ACVR1B: variants seen among roughly 807,000 people sequenced by gnomAD.
ACVR1B encodes the protein activin receptor type-1B.
Under a neutral mutation model 55.6 loss-of-function variants are expected in ACVR1B, and 15 were observed. The observed-to-expected ratio is 0.27, with a 90% confidence interval of 0.18 to 0.42. The LOEUF is 0.42. Ranked by LOEUF, ACVR1B falls within the 10% of genes least tolerant of loss-of-function variation. ACVR1B has a pLI of 1.00. For missense variants in ACVR1B, 359 were observed against 670.1 expected, an observed-to-expected ratio of 0.54 and a Z score of 5.13; for synonymous variants, 247 against 254.6, an observed-to-expected ratio of 0.97 and a Z score of 0.28.
intron 1 of ACVR1B, among the ~76,000 whole-genome samples, chr12:51,956,958 A>G (rs757291266): frequency 3.2e-4 from 49 of 152,010 alleles, no homozygotes; most frequent in Non-Finnish European, 4.4e-4. Flanking sequence ...TGGTAGAGAC[A>G]GGGTTTCGAC....
intron 1 of ACVR1B, among the ~76,000 whole-genome samples, chr12:51,971,482 A>C (rs1411610154): frequency 6.6e-6 from 1 of 152,194 alleles, no homozygotes; most frequent in African/African-American, 2.4e-5. Flanking sequence ...CCTTGGAATA[A>C]GGAGAGTTTT....
At chr12:51,960,255 A>G (rs1432001902) in intron 1 of ACVR1B, 1 of 152,208 alleles carries the variant, frequency 6.6e-6, no homozygotes, top group Non-Finnish European at 1.5e-5. Flanking sequence ...CCTCGTCTCT[A>G]CAAAACATTT....
chr12:51,989,708 G>A (rs912249858), intron 7 of ACVR1B, among the ~76,000 whole-genome samples: 7 of 152,038 alleles, frequency 4.6e-5, no homozygotes, highest in Non-Finnish European at 8.8e-5. Flanking sequence ...ACATTAGGCC[G>A]GGCGCGGTGG....
intron 4 of ACVR1B, among the ~76,000 whole-genome samples, chr12:51,981,876 C>G (rs1941987825): frequency 2.6e-5 from 4 of 151,982 alleles, no homozygotes; most frequent in Admixed American, 2.0e-4. Context: ...AAAAAAATCC[C>G]TAGGATGAGG....
In ACVR1B at chr12:51,951,749, G is replaced by A. The variant is rs1381208091; in HGVS notation, c.6G>A (p.Ala2=). ...CGGCGGCGGCGGTGGTTACTATGGCGGAGTCGGCCGGAGCCTCCTCCTTCT... is the reference window on the plus strand; with the variant it reads ...CGGCGGCGGCGGTGGTTACTATGGCAGAGTCGGCCGGAGCCTCCTCCTTCT... M[A]ESAGASSFFP... Residue 2 remains alanine, a synonymous_variant, in exon 1 of 9, where the codon GCG becomes GCA. Coordinates refer to ENST00000257963, the MANE Select transcript of ACVR1B (RefSeq NM_004302.5). The A allele has an allele frequency of 2.4e-6, 3 of 1,272,046 alleles. No individual in the cohort carries two copies. The highest frequency in any genetic ancestry group is 3.5e-5 in the South Asian group (1 of 28,270). The allele number at this position is 1,272,046 out of a possible 1,614,324, so 78.8% of individuals were successfully genotyped here.
At chr12:51,988,400 G>A (rs1011038379) in intron 7 of ACVR1B, among the ~76,000 whole-genome samples, 6 of 152,178 alleles carry the variant, frequency 3.9e-5, no homozygotes, top group Admixed American at 3.3e-4. Flanking sequence ...CCCTGGAGGC[G>A]GAGTTTGCAG....
At chr12:51,975,166 G>T (rs1264889574) in intron 1 of ACVR1B, 99 bp from the exon 2 acceptor site, 18 of 1,500,040 alleles carry the variant, frequency 1.2e-5, no homozygotes, top group Non-Finnish European at 1.6e-5. Context: ...AACTGTTTTG[G>T]AACATCAAGT....
Position 51,976,378 on chromosome 12 carries a change from T to TAGG in ACVR1B, c.384_386dup (p.Gly129dup). The TAGG allele has an allele frequency of 2.5e-6, 4 of 1,614,212 alleles. No homozygotes were observed. Among genetic ancestry groups the TAGG allele is most frequent in the Non-Finnish European group, 3.4e-6 (4 of 1,180,046 alleles). On this transcript the variant is annotated inframe_insertion, in exon 3 of 9. Transcript: ENST00000257963. Reference sequence around the variant, plus strand: ...TCCATGTGGGGCCCGGTGGAGCTGGTAGGCATCATCGCCGGCCCGGTGTTC... The same window carrying TAGG: ...TCCATGTGGGGCCCGGTGGAGCTGGTAGGAGGCATCATCGCCGGCCCGGTGTTC...
At chr12:51,986,242 A>G (rs980609429) in intron 6 of ACVR1B, among the ~76,000 whole-genome samples, 4 of 152,184 alleles carry the variant, frequency 2.6e-5, no homozygotes, top group Non-Finnish European at 5.9e-5. Context: ...ACATGCTTCA[A>G]ATAAACAAAT....
At chr12:51,992,190 G>T in intron 8 of ACVR1B, 197 bp downstream of exon 8, 1 of 667,050 alleles carries the variant, frequency 1.5e-6, no homozygotes, top group Non-Finnish European at 2.5e-6. Context: ...GGTGCCATTT[G>T]GAGTTCACAG....
At chr12:51,976,818 C>G (rs1181289954) in intron 3 of ACVR1B, among the ~76,000 whole-genome samples, 1 of 152,226 alleles carries the variant, frequency 6.6e-6, no homozygotes, top group Non-Finnish European at 1.5e-5. Flanking sequence ...CTACAGAAGT[C>G]CTGCCTCTCT....
chr12:51,994,233 C>T lies in ACVR1B; in HGVS notation c.*123C>T, dbSNP rs1476990203. Reference sequence around the variant, plus strand: ...CCCTCTGTGGCCAGGAGCCCTGGCCCGCAAGAGGGACAGAGCCCGGGAGAG... The same window carrying T: ...CCCTCTGTGGCCAGGAGCCCTGGCCTGCAAGAGGGACAGAGCCCGGGAGAG... On this transcript the variant is annotated 3_prime_UTR_variant, in exon 9 of 9. Transcript: ENST00000257963. The surrounding 1 kb of genome is among the most constrained non-coding windows in gnomAD (Gnocchi z 4.2). 26 of 1,412,232 alleles carry T rather than the reference C, an allele frequency of 1.8e-5. No individual in the cohort carries two copies. The highest frequency in any genetic ancestry group is 1.1e-4 in the African/African-American group (8 of 70,000). 87.5% of individuals were successfully genotyped at this position (1,412,232 alleles called of 1,614,324 possible).
intron 3 of ACVR1B, among the ~76,000 whole-genome samples, chr12:51,978,122 G>A (rs1451150555): frequency 1.3e-5 from 2 of 152,054 alleles, no homozygotes; most frequent in Non-Finnish European, 2.9e-5. Flanking sequence ...GCACCAAAAT[G>A]ATGGATATAT....
intron 5 of ACVR1B, among the ~76,000 whole-genome samples, chr12:51,984,441 C>T (rs372258682): frequency 3.9e-5 from 6 of 152,142 alleles, no homozygotes; most frequent in East Asian, 1.9e-4. Flanking sequence ...TCATTTGTTA[C>T]GAAGGAGTAA....
At chr12:51,976,678 A>C in intron 3 of ACVR1B, 103 bp downstream of exon 3, 1 of 1,439,896 alleles carries the variant, frequency 6.9e-7, no homozygotes, top group East Asian at 2.3e-5. Flanking sequence ...ATTTGTTTCT[A>C]CCAGCATTGA....
At chr12:51,952,261 T>G (rs1941313310) in intron 1 of ACVR1B, among the ~76,000 whole-genome samples, 1 of 151,462 alleles carries the variant, frequency 6.6e-6, no homozygotes, top group Non-Finnish European at 1.5e-5. Flanking sequence ...GCCAAGACTG[T>G]GGGGTTCGGG....
At chr12:51,982,650 G>A (rs1184455291) in intron 4 of ACVR1B, 4 of 1,502,824 alleles carry the variant, frequency 2.7e-6, no homozygotes, top group African/African-American at 2.8e-5. Flanking sequence ...AAAGCCTACA[G>A]AAGATGCTAT....
chr12:51,953,266 G>A, intron 1 of ACVR1B: 4 of 855,592 alleles, frequency 4.7e-6, no homozygotes. Context: ...AAACCAGACA[G>A]TCAAGAAAAG....
At position 51,995,666 on chromosome 12, in the gene ACVR1B, CTATT is replaced by C. The variant is rs1942285698; in HGVS notation, c.*1558_*1561del. 1 of 149,198 alleles carries C rather than the reference CTATT, an allele frequency of 6.7e-6. No homozygotes were observed. The highest frequency in any genetic ancestry group is 6.9e-5 in the Admixed American group (1 of 14,394). The allele number at this position is 149,198 out of a possible 1,614,324, so 9.2% of individuals were successfully genotyped here. A position where few individuals can be genotyped will look rare whatever the true frequency, so the allele number is the denominator to read the frequency against. On this transcript the variant is annotated 3_prime_UTR_variant, in exon 9 of 9. Transcript: ENST00000257963. Reference sequence around the variant, plus strand: ...ACCATCTCTGTGATTACCTCTCAATCTATTTGTTTTTAAAGAAATCCCTAAAAAA... The same window carrying C: ...ACCATCTCTGTGATTACCTCTCAATCTGTTTTTAAAGAAATCCCTAAAAAA...
Sources: allele counts gnomAD v4.1 joint callset (sites outside exome capture counted in the v4.1 genomes callset), GRCh38; gene constraint gnomAD v4.1.1; non-coding constraint Gnocchi (gnomAD v3.1); transcripts MANE v1.5; gene names NCBI Gene and HGNC (gene_info 2026-07-23, HGNC 2026-07-21).